SPTBN1: variants seen among roughly 807,000 people sequenced by gnomAD.
SPTBN1 encodes spectrin beta, non-erythrocytic 1.
A neutral mutation model predicts 266.4 loss-of-function variants in SPTBN1; 32 were observed. That is an observed-to-expected ratio of 0.12 (90% CI 0.09 to 0.16). SPTBN1 has a LOEUF of 0.16. Among genes scored for constraint, SPTBN1 ranks in the 10% least tolerant of loss-of-function variants. The probability of loss-of-function intolerance (pLI) is 1.00; values close to 1 mark genes in which losing one functional copy is unlikely to be tolerated. For missense variants in SPTBN1, 2,296 were observed against 3,067.1 expected (o/e 0.75, Z 5.94); for synonymous variants, 1,336 against 1,162.2 (o/e 1.15, Z -3.04).
intron 2 of SPTBN1, among the ~76,000 whole-genome samples, chr2:54,584,575 C>T (rs1675158964): frequency 1.3e-5 from 2 of 152,192 alleles, no homozygotes; most frequent in South Asian, 2.1e-4. Flanking sequence ...TTTATTTTCC[C>T]CTACTTCCAC....
chr2:54,649,288 A>T lies in SPTBN1; in HGVS notation c.5202+98A>T. 2 of 1,321,158 alleles carry T rather than the reference A, an allele frequency of 1.5e-6. No individual in the cohort carries two copies. Among genetic ancestry groups the T allele is most frequent in the Non-Finnish European group, 2.1e-6 (2 of 968,400 alleles). The allele number at this position is 1,321,158 out of a possible 1,614,324, so 81.8% of individuals were successfully genotyped here. Reference sequence around the variant, plus strand: ...TCTGTGAGCAGATAAAATGCCCTGGACTCCAATCAGAGGTCTTGGGGTTTA... The same window carrying T: ...TCTGTGAGCAGATAAAATGCCCTGGTCTCCAATCAGAGGTCTTGGGGTTTA... On this transcript the variant is annotated intron_variant, in intron 25 of 35. Transcript: ENST00000356805. The surrounding 1 kb of genome is among the most constrained non-coding windows in gnomAD (Gnocchi z 6.7).
At chr2:54,550,596 CAG>C (rs1672512704) in intron 2 of SPTBN1, among the ~76,000 whole-genome samples, 1 of 152,178 alleles carries the variant, frequency 6.6e-6, no homozygotes, top group African/African-American at 2.4e-5. Context: ...CGAATAGGAA[CAG>C]AGAGTGTTTG....
At chr2:54,660,235 T>G (rs1680947766) in intron 32 of SPTBN1, 1 of 1,391,470 alleles carries the variant, frequency 7.2e-7, no homozygotes, top group Non-Finnish European at 9.4e-7. Flanking sequence ...CATGTTTGAG[T>G]CTCTTAACTG....
chr2:54,591,474 GA>G (rs1371151642), intron 2 of SPTBN1, among the ~76,000 whole-genome samples: 1 of 152,198 alleles, frequency 6.6e-6, no homozygotes, highest in Non-Finnish European at 1.5e-5. Context: ...TGAAGAGCCT[GA>G]TAGAAAATAT....
rs781345517 is a variant in SPTBN1 at position 54,632,773 on chromosome 2, AG to A, written c.3767+6del. The A allele has an allele frequency of 1.9e-6, 3 of 1,613,980 alleles. No individual in the cohort carries two copies. In the Admixed American group the frequency reaches 5.0e-5, roughly 27 times the overall value. ...GGTGGACTCTATTGATGACAGGTACAGTTTTCTGAGGTTCTTAAGGGAGCCT... is the reference window on the plus strand; with the variant it reads ...GGTGGACTCTATTGATGACAGGTACATTTTCTGAGGTTCTTAAGGGAGCCT... On this transcript the variant is annotated splice_donor_region_variant and intron_variant, in intron 17 of 35. Coordinates refer to ENST00000356805, the MANE Select transcript of SPTBN1 (RefSeq NM_003128.3).
At position 54,629,297 on chromosome 2, in the gene SPTBN1, C is replaced by T. The variant is rs1317022971; in HGVS notation, c.2163C>T (p.Tyr721=). Residue 721 remains tyrosine (Y), a synonymous_variant, in exon 14 of 36, where the codon TAC becomes TAT. Coordinates refer to ENST00000356805, the MANE Select transcript of SPTBN1 (RefSeq NM_003128.3). ...AGAAGATCCGTGAGAGGATCATTTACATCCGGGAGCAGTGGGCCAACCTAG... is the reference window on the plus strand; with the variant it reads ...AGAAGATCCGTGAGAGGATCATTTATATCCGGGAGCAGTGGGCCAACCTAG... ...GSEKIRERII[Y]IREQWANLEQ... 3 of 1,614,074 alleles carry T rather than the reference C, an allele frequency of 1.9e-6. No individual in the cohort carries two copies. Among genetic ancestry groups the T allele is most frequent in the Non-Finnish European group, 2.5e-6 (3 of 1,180,034 alleles).
At chr2:54,662,122 A>C (rs1418133641) in intron 32 of SPTBN1, 2 of 985,266 alleles carry the variant, frequency 2.0e-6, no homozygotes, top group East Asian at 2.3e-4. Flanking sequence ...GTGCCCAGCC[A>C]CTAAAGCACT....
At chr2:54,529,464 T>C (rs1177588904) in intron 2 of SPTBN1, 4 of 713,356 alleles carry the variant, frequency 5.6e-6, no homozygotes, top group African/African-American at 5.2e-5. Flanking sequence ...AAAAAGAAGA[T>C]CCGCATGTCA....
intron 29 of SPTBN1, among the ~76,000 whole-genome samples, chr2:54,656,472 G>A (rs1220095473): frequency 6.6e-6 from 1 of 152,180 alleles, no homozygotes; most frequent in Non-Finnish European, 1.5e-5. Flanking sequence ...ATTCCCCAAA[G>A]TGACCCTGTG....
At chr2:54,620,189 G>T (rs766197391) in intron 7 of SPTBN1, among the ~76,000 whole-genome samples, 5 of 152,208 alleles carry the variant, frequency 3.3e-5, no homozygotes, top group Non-Finnish European at 7.3e-5. Context: ...GCCCGGACAG[G>T]CTTCTGCCCT....
chr2:54,630,985 T>G lies in SPTBN1; in HGVS notation c.2938T>G (p.Ser980Ala). Residue 980 changes from serine (S) to alanine (A), a missense_variant, in exon 16 of 36, where the codon TCC (serine) becomes GCC (alanine). By Grantham distance (99) the Ser-to-Ala change is moderately conservative (BLOSUM62 1). Transcript: ENST00000356805. ...WIREKTKVIE[S>A]TQDLGNDLAG... ...TCGGGAAAAGACCAAGGTCATCGAG[T>G]CCACCCAGGACCTGGGCAATGACCT... The G allele has an allele frequency of 6.2e-7, 1 of 1,613,992 alleles. No individual in the cohort carries two copies. The highest frequency in any genetic ancestry group is 8.5e-7 in the Non-Finnish European group (1 of 1,180,010).
chr2:54,489,650 G>C (rs1232547146), intron 1 of SPTBN1, among the ~76,000 whole-genome samples: 1 of 152,182 alleles, frequency 6.6e-6, no homozygotes, highest in Non-Finnish European at 1.5e-5. Context: ...AGTGAGCTGA[G>C]ATCGTGCCAC....
Position 54,649,950 on chromosome 2 carries a change from C to T in SPTBN1, c.5538C>T (p.His1846=). The T allele has an allele frequency of 1.2e-6, 2 of 1,613,818 alleles. No homozygotes were observed. Among genetic ancestry groups the T allele is most frequent in the Non-Finnish European group, 8.5e-7 (1 of 1,179,928 alleles). The change falls in exon 26 of 36, where the codon CAC becomes CAT. Residue 1846 remains histidine, a synonymous_variant. Coordinates refer to ENST00000356805, the MANE Select transcript of SPTBN1 (RefSeq NM_003128.3). This position sits in a 1 kb window ranked among gnomAD's most constrained non-coding sequence, Gnocchi z 6.7. ...QNTVETLQRM[H]TTFEHDIQAL... ...CAGTGGAGACCTTACAGAGAATGCA[C>T]ACTACATTTGAGCATGACATCCAGG...
At chr2:54,466,549 G>T (rs1275398026) in intron 1 of SPTBN1, among the ~76,000 whole-genome samples, 1 of 96,316 alleles carries the variant, frequency 1.0e-5, no homozygotes, top group Non-Finnish European at 2.0e-5. Context: ...GCGACAGAGC[G>T]AGACTCCGTC....
chr2:54,514,905 C>T (rs996628986), intron 1 of SPTBN1, among the ~76,000 whole-genome samples: 1 of 152,142 alleles, frequency 6.6e-6, no homozygotes, highest in Non-Finnish European at 1.5e-5. Flanking sequence ...GATAACAAAA[C>T]CCCCTTCTTG....
intron 2 of SPTBN1, among the ~76,000 whole-genome samples, chr2:54,543,292 C>G (rs559455717): frequency 1.3e-4 from 20 of 152,304 alleles, no homozygotes; most frequent in African/African-American, 4.6e-4. Context: ...AGCTCGGTGT[C>G]TGCACACAGT....
intron 2 of SPTBN1, among the ~76,000 whole-genome samples, chr2:54,565,673 T>C (rs1673614471): frequency 6.6e-6 from 1 of 152,240 alleles, no homozygotes; most frequent in Non-Finnish European, 1.5e-5. Flanking sequence ...TTGGCATCTG[T>C]AAGGGAGACA....
intron 1 of SPTBN1, among the ~76,000 whole-genome samples, chr2:54,481,282 C>T (rs1221046695): frequency 3.9e-5 from 6 of 152,104 alleles, no homozygotes; most frequent in Admixed American, 3.9e-4. Flanking sequence ...CCAGAAAGTG[C>T]TGGTGAGCTT....
rs188644442 is a variant in SPTBN1 at position 54,594,031 on chromosome 2, C to A, written c.149-5061C>A. Among the ~76,000 whole-genome samples, 183 of 152,066 alleles carry A rather than the reference C, an allele frequency of 1.2e-3. 2 individuals are homozygous for A. Among genetic ancestry groups the A allele is most frequent in the African/African-American group, 3.9e-3 (160 of 41,468 alleles). On this transcript the variant is annotated intron_variant, in intron 2 of 35. Transcript: ENST00000356805. ...TATTTTTAGTAGAGACGGGGTTTCA[C>A]CATGTTGGTCAGGCTGGTCTTGAAC...
Sources: allele counts gnomAD v4.1 joint callset (sites outside exome capture counted in the v4.1 genomes callset), GRCh38; gene constraint gnomAD v4.1.1; non-coding constraint Gnocchi (gnomAD v3.1); transcripts MANE v1.5; gene names NCBI Gene and HGNC (gene_info 2026-07-23, HGNC 2026-07-21).